Variants in ST8SIA2 observed in about 807,000 individuals in gnomAD.
ST8SIA2 encodes ST8 alpha-N-acetyl-neuraminide alpha-2,8-sialyltransferase 2, also known as alpha-2,8-sialyltransferase 8B.
Under a neutral mutation model 37.6 loss-of-function variants are expected in ST8SIA2, and 22 were observed. That is an observed-to-expected ratio of 0.58 (90% CI 0.42 to 0.83). The LOEUF (loss-of-function observed/expected upper bound fraction) is 0.83. Among genes scored for constraint, ST8SIA2 ranks in the 40% least tolerant of loss-of-function variants. ST8SIA2 has a pLI of 0.00. For synonymous variants in ST8SIA2, 205 were observed against 201.2 expected (o/e 1.02, Z -0.16); for missense variants, 382 against 484.7 (o/e 0.79, Z 1.99).
At chr15:92,412,148 G>T (rs1026660738) in intron 1 of ST8SIA2, among the ~76,000 whole-genome samples, 1 of 152,162 alleles carries the variant, frequency 6.6e-6, no homozygotes, top group Non-Finnish European at 1.5e-5. Flanking sequence ...GGCCAGAGAG[G>T]GCATACTGGC....
Position 92,438,350 on chromosome 15 carries a change from C to T in ST8SIA2, c.291-3C>T. 2 of 1,614,188 alleles carry T rather than the reference C, an allele frequency of 1.2e-6. No individual in the cohort carries two copies. Among genetic ancestry groups the T allele is most frequent in the Non-Finnish European group, 1.7e-6 (2 of 1,180,030 alleles). ...TTTCCTCACGCATGTTTGGTTTTCA[C>T]AGGAAGCAGATTTTAAAGTTCTTGG... is the stretch of plus-strand genomic sequence containing the variant. On this transcript the variant is annotated splice_region_variant and splice_polypyrimidine_tract_variant and intron_variant, in intron 3 of 5. Transcript: ENST00000268164.
At chr15:92,426,562 G>C (rs918792711) in intron 1 of ST8SIA2, among the ~76,000 whole-genome samples, 1 of 152,194 alleles carries the variant, frequency 6.6e-6, no homozygotes, top group Non-Finnish European at 1.5e-5. Flanking sequence ...CTGGAAGCAG[G>C]AAAAGAGAAA....
At chr15:92,406,062 G>T (rs566794005) in intron 1 of ST8SIA2, among the ~76,000 whole-genome samples, 1 of 152,180 alleles carries the variant, frequency 6.6e-6, no homozygotes, top group Non-Finnish European at 1.5e-5. Flanking sequence ...AAAAGAGTCC[G>T]AGATACTGAT....
At chr15:92,424,616 CTTT>C (rs1194844376) in intron 1 of ST8SIA2, among the ~76,000 whole-genome samples, 5 of 141,034 alleles carry the variant, frequency 3.5e-5, no homozygotes, top group African/African-American at 5.2e-5. Flanking sequence ...GTTTGACATT[CTTT>C]TTTTTTTTTT....
At chr15:92,418,964 G>A (rs916108100) in intron 1 of ST8SIA2, among the ~76,000 whole-genome samples, 3 of 152,108 alleles carry the variant, frequency 2.0e-5, no homozygotes, top group African/African-American at 7.2e-5. Context: ...CTTCATTTGG[G>A]ATCCTTTGTC....
chr15:92,405,874 G>T (rs1195990374), intron 1 of ST8SIA2, among the ~76,000 whole-genome samples: 1 of 152,136 alleles, frequency 6.6e-6, no homozygotes, highest in African/African-American at 2.4e-5. Context: ...TTAGTGGAGG[G>T]GCCCATAAGG....
At chr15:92,426,418 G>A (rs546658457) in intron 1 of ST8SIA2, among the ~76,000 whole-genome samples, 5 of 152,260 alleles carry the variant, frequency 3.3e-5, no homozygotes, top group South Asian at 2.1e-4. Flanking sequence ...AGAGTTCACC[G>A]GCAAAGAAAT....
At chr15:92,427,439 C>A (rs1025691223) in intron 1 of ST8SIA2, among the ~76,000 whole-genome samples, 1 of 152,078 alleles carries the variant, frequency 6.6e-6, no homozygotes, top group Non-Finnish European at 1.5e-5. Context: ...GTATCCTCAT[C>A]CAGAGCCACC....
intron 1 of ST8SIA2, among the ~76,000 whole-genome samples, chr15:92,407,014 GA>G (rs546566153): frequency 0.035 from 4,864 of 139,506 alleles, 265 homozygotes; most frequent in African/African-American, 0.12. Context: ...AAAAAGAAAA[GA>G]AAAAAAAAAA....
intron 1 of ST8SIA2, 136 bp downstream of exon 1, chr15:92,394,298 C>T: frequency 8.3e-6 from 7 of 845,716 alleles, no homozygotes. Flanking sequence ...GACGGTTTGG[C>T]AGAAGGTGGC....
At chr15:92,419,633 G>T (rs1287448038) in intron 1 of ST8SIA2, among the ~76,000 whole-genome samples, 1 of 152,164 alleles carries the variant, frequency 6.6e-6, no homozygotes, top group Non-Finnish European at 1.5e-5. Context: ...AGAGGCCCAG[G>T]CTCGTTGTAT....
chr15:92,422,870 GCTCAAGA>G (rs1342545222), intron 1 of ST8SIA2: 1 of 152,330 alleles, frequency 6.6e-6, no homozygotes. Flanking sequence ...AATCATCTGT[GCTCAAGA>G]CTCTAGACAC....
chr15:92,439,943 G>A (rs779104043), intron 4 of ST8SIA2, among the ~76,000 whole-genome samples: 9 of 152,180 alleles, frequency 5.9e-5, no homozygotes, highest in South Asian at 2.1e-4. Flanking sequence ...AGCAGTATCC[G>A]GGGGAGGCGG....
At chr15:92,427,319 C>G (rs924958640) in intron 1 of ST8SIA2, among the ~76,000 whole-genome samples, 7 of 147,580 alleles carry the variant, frequency 4.7e-5, no homozygotes, top group African/African-American at 1.2e-4. Context: ...TTAAGCTATA[C>G]TCCATGAGCA....
At chr15:92,403,507 GGAA>G (rs1188703476) in intron 1 of ST8SIA2, among the ~76,000 whole-genome samples, 21 of 152,152 alleles carry the variant, frequency 1.4e-4, no homozygotes, top group Admixed American at 1.4e-3. Context: ...CGGAGGCTCT[GGAA>G]GAGGCAGACA....
In ST8SIA2 at chr15:92,394,182, C is replaced by A. The variant is rs565734813; in HGVS notation, c.98+20C>A. On this transcript the variant is annotated intron_variant, in intron 1 of 5. Transcript: ENST00000268164. Reference sequence around the variant, plus strand: ...AATCGGGTAAATAGCTGCTCCCAGGCCCGTGCCACGAGCCCTGGCGGGATC... The same window carrying A: ...AATCGGGTAAATAGCTGCTCCCAGGACCGTGCCACGAGCCCTGGCGGGATC... 8 of 1,544,070 alleles carry A rather than the reference C, an allele frequency of 5.2e-6. No homozygotes were observed. The Admixed American group carries it at 1.6e-4, about 30-fold the overall frequency.
chr15:92,468,007 G>A lies in ST8SIA2; in HGVS notation c.*3622G>A, dbSNP rs117763930. 0.021 allele frequency: 3,199 copies of A among 152,216 alleles called. 56 individuals are homozygous for A. The highest frequency in any genetic ancestry group is 0.041 in the Middle Eastern group (12 of 294). 9.4% of individuals were successfully genotyped at this position (152,216 alleles called of 1,614,324 possible). ...CCCTCCTTTTTCTAGTAAAAGACCC[G>A]TGATCCCGTCAGCCACCCAGTCTGA... is the stretch of plus-strand genomic sequence containing the variant. On this transcript the variant is annotated 3_prime_UTR_variant, in exon 6 of 6. Transcript: ENST00000268164.
At chr15:92,429,293 T>C (rs1373022333) in intron 1 of ST8SIA2, among the ~76,000 whole-genome samples, 1 of 152,182 alleles carries the variant, frequency 6.6e-6, no homozygotes, top group Admixed American at 6.5e-5. Context: ...TCGAGGCACA[T>C]GTATTTATCC....
At chr15:92,436,378 T>G (rs1250447231) in intron 3 of ST8SIA2, among the ~76,000 whole-genome samples, 2 of 152,128 alleles carry the variant, frequency 1.3e-5, no homozygotes, top group African/African-American at 4.8e-5. Context: ...GTGTCCTTCA[T>G]AAAGACCCTG....
Sources: allele counts gnomAD v4.1 joint callset (sites outside exome capture counted in the v4.1 genomes callset), GRCh38; gene constraint gnomAD v4.1.1; transcripts MANE v1.5; gene names NCBI Gene and HGNC (gene_info 2026-07-23, HGNC 2026-07-21).